Variants in SDK2 observed in about 807,000 individuals in gnomAD.
SDK2 encodes sidekick cell adhesion molecule 2.
SDK2 carries 105 observed loss-of-function variants against 253.9 expected under a neutral mutation model. The observed-to-expected ratio is 0.41, with a 90% confidence interval of 0.35 to 0.49. The LOEUF (loss-of-function observed/expected upper bound fraction) is 0.49. Among genes scored for constraint, SDK2 ranks in the 20% least tolerant of loss-of-function variants. The pLI is 0.06. For missense variants in SDK2, 2,608 were observed against 3,003.0 expected (o/e 0.87, Z 3.07); for synonymous variants, 1,249 against 1,234.9 (o/e 1.01, Z -0.24).
intron 39 of SDK2, among the ~76,000 whole-genome samples, chr17:73,360,669 G>A (rs1277976652): frequency 1.3e-5 from 2 of 151,712 alleles, no homozygotes; most frequent in South Asian, 2.1e-4. Flanking sequence ...AGGCGATTGG[G>A]CACAGTGGCT....
At chr17:73,540,131 C>G (rs1438186679) in intron 1 of SDK2, among the ~76,000 whole-genome samples, 1 of 152,104 alleles carries the variant, frequency 6.6e-6, no homozygotes, top group Non-Finnish European at 1.5e-5. Flanking sequence ...GAGACGGGGT[C>G]ATGCAGCTGT....
In SDK2 at chr17:73,594,936, G is replaced by A. The variant is rs149068100; in HGVS notation, c.64+49089C>T. On this transcript the variant is annotated intron_variant, in intron 1 of 44. Transcript: ENST00000392650. Reference sequence around the variant, plus strand: ...CAGCACACACCTGCACACAGCACACGTGCACACACACATACAACAGGCCTC... The same window carrying A: ...CAGCACACACCTGCACACAGCACACATGCACACACACATACAACAGGCCTC... Among the ~76,000 whole-genome samples the A allele has an allele frequency of 3.8e-3, 577 of 151,954 alleles. 7 individuals carry two copies. Among genetic ancestry groups the A allele is most frequent in the South Asian group, 0.021 (99 of 4,788 alleles).
chr17:73,503,530 G>T (rs1385092286), intron 2 of SDK2, among the ~76,000 whole-genome samples: 1 of 152,158 alleles, frequency 6.6e-6, no homozygotes, highest in African/African-American at 2.4e-5. Context: ...GTACATGTAT[G>T]CAGGTGTTTA....
chr17:73,614,052 C>A (rs2046015282), intron 1 of SDK2, among the ~76,000 whole-genome samples: 1 of 152,236 alleles, frequency 6.6e-6, no homozygotes, highest in Non-Finnish European at 1.5e-5. Context: ...CCAGTTTTCC[C>A]AGACTGGCCC....
Position 73,608,897 on chromosome 17 carries a change from G to C in SDK2, c.64+35128C>G, listed in dbSNP as rs577131851. On this transcript the variant is annotated intron_variant, in intron 1 of 44. Coordinates refer to ENST00000392650, the MANE Select transcript of SDK2 (RefSeq NM_001144952.2). ...TGCAGTGGCTCAGGACAAAGATGATGGTGGCTGGCACCGTGTCGCAGCGGA... is the reference window on the plus strand; with the variant it reads ...TGCAGTGGCTCAGGACAAAGATGATCGTGGCTGGCACCGTGTCGCAGCGGA... 8.1e-4 allele frequency among the ~76,000 whole-genome samples: 123 copies of C among 152,206 alleles called. 1 individual carries two copies. Among genetic ancestry groups the C allele is most frequent in the Non-Finnish European group, 1.4e-3 (97 of 68,038 alleles).
chr17:73,371,634 G>A (rs1469951447), intron 36 of SDK2, among the ~76,000 whole-genome samples: 3 of 152,108 alleles, frequency 2.0e-5, no homozygotes, highest in African/African-American at 7.2e-5. Flanking sequence ...CTGCTGTAAA[G>A]GGGCCAAAGA....
At chr17:73,370,529 C>A (rs925371869) in intron 36 of SDK2, among the ~76,000 whole-genome samples, 2 of 151,554 alleles carry the variant, frequency 1.3e-5, no homozygotes, top group African/African-American at 4.9e-5. Flanking sequence ...AGGTGTGAGC[C>A]ACTGTGCCCG....
chr17:73,461,329 G>T (rs2063560991), intron 3 of SDK2, among the ~76,000 whole-genome samples: 1 of 152,244 alleles, frequency 6.6e-6, no homozygotes. Context: ...GGAGCTTCCA[G>T]TCTGGTCAGG....
intron 2 of SDK2, among the ~76,000 whole-genome samples, chr17:73,490,354 G>A (rs1412535853): frequency 1.3e-5 from 2 of 152,126 alleles, no homozygotes; most frequent in Non-Finnish European, 2.9e-5. Flanking sequence ...GCTCTGCCCA[G>A]GTAGCTCTGC....
chr17:73,493,781 A>G (rs11658110), intron 2 of SDK2, among the ~76,000 whole-genome samples: 11,516 of 152,328 alleles, frequency 0.076, 542 homozygotes, highest in African/African-American at 0.12. Context: ...TGCTCTGTGG[A>G]CTATGGATGG....
intron 1 of SDK2, among the ~76,000 whole-genome samples, chr17:73,633,003 C>T (rs2046288358): frequency 6.6e-6 from 1 of 152,134 alleles, no homozygotes; most frequent in South Asian, 2.1e-4. Flanking sequence ...CTAAAATAGG[C>T]TGGGTGTGGT....
intron 41 of SDK2, among the ~76,000 whole-genome samples, chr17:73,351,607 G>A (rs1202974215): frequency 2.0e-5 from 3 of 152,076 alleles, no homozygotes; most frequent in Non-Finnish European, 4.4e-5. Context: ...TTAGTAAAAG[G>A]TGAAAGATTT....
chr17:73,563,074 T>C (rs2045261719), intron 1 of SDK2, among the ~76,000 whole-genome samples: 1 of 152,194 alleles, frequency 6.6e-6, no homozygotes, highest in Non-Finnish European at 1.5e-5. Context: ...CGCCCCACCC[T>C]GGTCCTCGGG....
chr17:73,412,065 TATAC>T (rs1310190549), intron 18 of SDK2, among the ~76,000 whole-genome samples: 92 of 39,264 alleles, frequency 2.3e-3, no homozygotes, highest in African/African-American at 4.7e-3. Flanking sequence ...TATATGTATA[TATAC>T]GTATATATGT....
chr17:73,394,145 C>T, intron 26 of SDK2, 64 bp downstream of exon 26: 1 of 1,019,562 alleles, frequency 9.8e-7, no homozygotes, highest in Non-Finnish European at 1.4e-6. Flanking sequence ...GGACAAGGCC[C>T]CTTGGATGGA....
rs760282594 is a variant in SDK2, at chr17:73,642,691, G to T, written c.64+1334C>A. On this transcript the variant is annotated intron_variant, in intron 1 of 44. Transcript: ENST00000392650. This position sits in a 1 kb window ranked among gnomAD's most constrained non-coding sequence, Gnocchi z 4.7. Reference sequence around the variant, plus strand: ...TGTTAAATGGCTACTAGAATAAGATGACCTCTGAGGTCCTCGCTTGTTCAA... The same window carrying T: ...TGTTAAATGGCTACTAGAATAAGATTACCTCTGAGGTCCTCGCTTGTTCAA... Among the ~76,000 whole-genome samples the T allele has an allele frequency of 6.6e-6, 1 of 152,130 alleles. No homozygotes were observed. The highest frequency in any genetic ancestry group is 1.5e-5 in the Non-Finnish European group (1 of 68,028).
intron 36 of SDK2, among the ~76,000 whole-genome samples, chr17:73,371,445 G>C (rs2062733720): frequency 6.6e-6 from 1 of 152,178 alleles, no homozygotes; most frequent in Non-Finnish European, 1.5e-5. Flanking sequence ...CAGCTGCTGA[G>C]TCAGGCAGGA....
chr17:73,387,830 C>T lies in SDK2; in HGVS notation c.4394+6G>A, dbSNP rs140330374. Reference sequence around the variant, plus strand: ...GTGGGGATGCTGGCATGGACCCGAGCCTTACCTGTCCACAATGAAGCTGGA... The same window carrying T: ...GTGGGGATGCTGGCATGGACCCGAGTCTTACCTGTCCACAATGAAGCTGGA... On this transcript the variant is annotated splice_donor_region_variant and intron_variant, in intron 30 of 44. Transcript: ENST00000392650. 19 of 1,558,674 alleles carry T rather than the reference C, an allele frequency of 1.2e-5. No individual in the cohort carries two copies. The South Asian group carries it at 2.1e-4, about 18-fold the overall frequency.
chr17:73,365,196 G>A (rs1250589794), intron 38 of SDK2, 62 bp downstream of exon 38: 3 of 1,351,264 alleles, frequency 2.2e-6, no homozygotes, highest in African/African-American at 3.0e-5. Context: ...GATGGGCGCT[G>A]AGATGAGAGC....
Sources: allele counts gnomAD v4.1 joint callset (sites outside exome capture counted in the v4.1 genomes callset), GRCh38; gene constraint gnomAD v4.1.1; non-coding constraint Gnocchi (gnomAD v3.1); transcripts MANE v1.5; gene names NCBI Gene and HGNC (gene_info 2026-07-23, HGNC 2026-07-21).